The following ABCC9 variants were observed in gnomAD, a reference collection of about 807,000 sequenced individuals.
The protein encoded by ABCC9 is ATP-binding cassette sub-family C member 9.
In ABCC9, 95 loss-of-function variants were observed where a neutral mutation model predicts 188.3. The ratio of observed to expected loss-of-function variants is 0.50; its 90% CI spans 0.43 to 0.60. The LOEUF (loss-of-function observed/expected upper bound fraction) is 0.60, where lower values mean the gene tolerates loss of function less well. Ranked by LOEUF, ABCC9 falls within the 20% of genes least tolerant of loss-of-function variation. ABCC9 has a pLI of 0.00. For missense variants in ABCC9, 1,102 were observed against 1,876.3 expected, an observed-to-expected ratio of 0.59 and a Z score of 7.62; for synonymous variants, 659 against 652.7, an observed-to-expected ratio of 1.01 and a Z score of -0.15.
intron 14 of ABCC9, among the ~76,000 whole-genome samples, chr12:21,890,128 G>T (rs1947078745): frequency 6.6e-6 from 1 of 152,112 alleles, no homozygotes; most frequent in Non-Finnish European, 1.5e-5. Flanking sequence ...TTCATACGAG[G>T]TCCTTTCAGA....
At chr12:21,810,857 TTACA>T (rs1942186360) in intron 36 of ABCC9, among the ~76,000 whole-genome samples, 1 of 152,180 alleles carries the variant, frequency 6.6e-6, no homozygotes, top group Non-Finnish European at 1.5e-5. Flanking sequence ...CTAGGCAATC[TTACA>T]TACATTTTTT....
At chr12:21,912,269 A>G (rs1948358923) in intron 8 of ABCC9, among the ~76,000 whole-genome samples, 1 of 152,090 alleles carries the variant, frequency 6.6e-6, no homozygotes, top group African/African-American at 2.4e-5. Flanking sequence ...GAAAGAAAGT[A>G]GGAAGTTCAC....
chr12:21,830,699 G>T (rs561653086), intron 30 of ABCC9, among the ~76,000 whole-genome samples: 1 of 152,052 alleles, frequency 6.6e-6, no homozygotes, highest in Non-Finnish European at 1.5e-5. Context: ...TAATTCAGTC[G>T]GACAGTAAGC....
At chr12:21,823,799 A>G (rs1355896482) in intron 31 of ABCC9, among the ~76,000 whole-genome samples, 1 of 152,240 alleles carries the variant, frequency 6.6e-6, no homozygotes, top group Non-Finnish European at 1.5e-5. Flanking sequence ...GGCTGTAGTG[A>G]CACATTGCAC....
intron 14 of ABCC9, among the ~76,000 whole-genome samples, chr12:21,892,458 C>G (rs1307545705): frequency 6.6e-6 from 1 of 152,200 alleles, no homozygotes; most frequent in Non-Finnish European, 1.5e-5. Context: ...AAATAGCAGA[C>G]TCTGGCCATT....
chr12:21,812,984 T>G (rs1942362207), intron 35 of ABCC9, among the ~76,000 whole-genome samples: 1 of 152,216 alleles, frequency 6.6e-6, no homozygotes. Flanking sequence ...TTTTATCCCT[T>G]ACTGAGTACT....
chr12:21,926,570 C>G (rs11046236), intron 4 of ABCC9, among the ~76,000 whole-genome samples: 4 of 152,150 alleles, frequency 2.6e-5, no homozygotes, highest in Admixed American at 6.6e-5. Flanking sequence ...GTAAAAAAAT[C>G]TAGTATATTG....
intron 2 of ABCC9, among the ~76,000 whole-genome samples, chr12:21,940,236 A>G (rs761493221): frequency 3.3e-5 from 5 of 152,232 alleles, no homozygotes; most frequent in African/African-American, 9.6e-5. Flanking sequence ...AACATGCTAA[A>G]TTTAAATAAA....
intron 5 of ABCC9, chr12:21,925,209 C>T (rs1373464434): frequency 3.4e-6 from 1 of 292,256 alleles, no homozygotes. Context: ...AGAAAGTATA[C>T]TCCAAGGAAT....
At position 21,872,473 on chromosome 12, in the gene ABCC9, T is replaced by G. The variant is rs1188146054; in HGVS notation, c.2198+152A>C. ...TTTTGTAACTTTTTATTTATGACTT[T>G]TAAGGTTTCCATCAATTTTTTTTTT... On this transcript the variant is annotated intron_variant, in intron 18 of 39. Transcript: ENST00000261200. The G allele has an allele frequency of 1.7e-5, 11 of 649,894 alleles. No homozygotes were observed. The Admixed American group carries it at 2.9e-4, about 17-fold the overall frequency. The allele number at this position is 649,894 out of a possible 1,614,324, so 40.3% of individuals were successfully genotyped here.
chr12:21,940,660 G>A (rs1949652257), intron 2 of ABCC9, 50 bp downstream of exon 2: 1 of 151,876 alleles, frequency 6.6e-6, no homozygotes, highest in Admixed American at 6.6e-5. Flanking sequence ...TACTGCAATG[G>A]GATTTTAAAA....
At chr12:21,870,915 A>C (rs1033857500) in intron 18 of ABCC9, among the ~76,000 whole-genome samples, 5 of 152,218 alleles carry the variant, frequency 3.3e-5, no homozygotes, top group Non-Finnish European at 7.3e-5. Flanking sequence ...TCATTTCTTT[A>C]TTCATTAACA....
chr12:21,895,644 T>C (rs754659475), intron 12 of ABCC9, among the ~76,000 whole-genome samples: 2 of 152,168 alleles, frequency 1.3e-5, no homozygotes, highest in Non-Finnish European at 2.9e-5. Flanking sequence ...TACAGAGGGG[T>C]TACAGTCTAT....
intron 4 of ABCC9, 91 bp from the exon 5 acceptor site, chr12:21,926,154 G>A (rs1949036889): frequency 6.6e-7 from 1 of 1,518,050 alleles, no homozygotes; most frequent in Admixed American, 1.7e-5. Flanking sequence ...CTCTATCTTA[G>A]CAATAAGATG....
At chr12:21,875,627 C>G (rs1236877495) in intron 17 of ABCC9, 27 bp downstream of exon 17, 4 of 1,545,400 alleles carry the variant, frequency 2.6e-6, no homozygotes, top group Non-Finnish European at 1.8e-6. Flanking sequence ...TGAACAATTA[C>G]AAAAATGCAT....
Position 21,919,568 on chromosome 12 carries a change from C to G in ABCC9, c.407-2465G>C, listed in dbSNP as rs181495441. On this transcript the variant is annotated intron_variant, in intron 5 of 39. Transcript: ENST00000261200. ...AATAAAATTTAGACCTAAAATTTTACTAGATATAAAAAAGTATTAGACATA... is the reference window on the plus strand; with the variant it reads ...AATAAAATTTAGACCTAAAATTTTAGTAGATATAAAAAAGTATTAGACATA... 3.7e-3 allele frequency among the ~76,000 whole-genome samples: 565 copies of G among 151,800 alleles called. 3 individuals carry two copies. The highest frequency in any genetic ancestry group is 4.9e-3 in the Non-Finnish European group (333 of 67,870).
At chr12:21,906,563 T>A (rs1948058176) in intron 11 of ABCC9, among the ~76,000 whole-genome samples, 1 of 152,118 alleles carries the variant, frequency 6.6e-6, no homozygotes, top group African/African-American at 2.4e-5. Flanking sequence ...TTTTCTAAAG[T>A]TTCACATGAT....
intron 12 of ABCC9, among the ~76,000 whole-genome samples, chr12:21,903,560 C>T (rs1322033705): frequency 1.3e-5 from 2 of 152,220 alleles, no homozygotes; most frequent in East Asian, 1.9e-4. Context: ...TCTCCTTCAG[C>T]TGATAAGCAA....
At chr12:21,807,517 A>G (rs1941940318) in intron 37 of ABCC9, 38 bp from the exon 38 acceptor site, 1 of 1,613,238 alleles carries the variant, frequency 6.2e-7, no homozygotes, top group Non-Finnish European at 8.5e-7. Flanking sequence ...CACTAAAGAA[A>G]TGCTACTAAC....
Sources: allele counts gnomAD v4.1 joint callset (sites outside exome capture counted in the v4.1 genomes callset), GRCh38; gene constraint gnomAD v4.1.1; transcripts MANE v1.5; gene names NCBI Gene and HGNC (gene_info 2026-07-23, HGNC 2026-07-21).